The following CAMK1D variants were observed in gnomAD, a reference collection of about 807,000 sequenced individuals.
CAMK1D encodes the protein calcium/calmodulin-dependent protein kinase type 1D.
CAMK1D carries 9 observed loss-of-function variants against 47.7 expected under a neutral mutation model. That is an observed-to-expected ratio of 0.19 (90% confidence interval 0.11 to 0.33). The LOEUF is 0.33. Ranked by LOEUF, CAMK1D falls within the 10% of genes least tolerant of loss-of-function variation. CAMK1D has a pLI of 1.00. For missense variants in CAMK1D, 291 were observed against 488.7 expected, an observed-to-expected ratio of 0.60 and a Z score of 3.81; for synonymous variants, 184 against 184.9, an observed-to-expected ratio of 0.99 and a Z score of 0.04.
intron 2 of CAMK1D, among the ~76,000 whole-genome samples, chr10:12,603,986 C>T (rs1339506008): frequency 2.0e-5 from 3 of 152,154 alleles, no homozygotes; most frequent in Non-Finnish European, 4.4e-5. Context: ...AAAATGCATG[C>T]CTGCTTCATA....
Position 12,416,792 on chromosome 10 carries a change from C to T in CAMK1D, c.92+66882C>T, listed in dbSNP as rs191301088. Among the ~76,000 whole-genome samples the T allele has an allele frequency of 1.5e-3, 234 of 152,318 alleles. 1 individual carries two copies. The highest frequency in any genetic ancestry group is 5.1e-3 in the African/African-American group (210 of 41,568). On this transcript the variant is annotated intron_variant, in intron 1 of 10. Transcript: ENST00000619168. ...CCGGTGGGTTCTGCCCTTTCCTTAT[C>T]AGTTCAGCTGAGCTTACTCCAGGGC...
At chr10:12,624,834 G>A (rs928676146) in intron 2 of CAMK1D, among the ~76,000 whole-genome samples, 3 of 152,010 alleles carry the variant, frequency 2.0e-5, no homozygotes, top group Non-Finnish European at 4.4e-5. Context: ...CTCCTTTTAC[G>A]GTTGTTGTGA....
chr10:12,526,117 T>G (rs1273316193), intron 1 of CAMK1D, among the ~76,000 whole-genome samples: 1 of 152,232 alleles, frequency 6.6e-6, no homozygotes, highest in African/African-American at 2.4e-5. Flanking sequence ...TAAAATCTGC[T>G]GGAAAAGGTT....
chr10:12,751,009 C>T (rs940910651), intron 3 of CAMK1D, among the ~76,000 whole-genome samples: 2 of 151,952 alleles, frequency 1.3e-5, no homozygotes, highest in Non-Finnish European at 2.9e-5. Flanking sequence ...TGAGAGATCA[C>T]GCCACTGCAT....
chr10:12,431,650 C>G (rs2131991183), intron 1 of CAMK1D, among the ~76,000 whole-genome samples: 1 of 152,308 alleles, frequency 6.6e-6, no homozygotes, highest in South Asian at 2.1e-4. Context: ...TCTGTTACTC[C>G]AGGGCCAGAG....
intron 3 of CAMK1D, among the ~76,000 whole-genome samples, chr10:12,748,690 A>G (rs1564533705): frequency 6.6e-6 from 1 of 152,206 alleles, no homozygotes. Context: ...GACAGTGACC[A>G]TAGCAGGGAG....
intron 1 of CAMK1D, among the ~76,000 whole-genome samples, chr10:12,381,201 A>G (rs184529584): frequency 6.6e-6 from 1 of 152,336 alleles, no homozygotes; most frequent in East Asian, 1.9e-4. Flanking sequence ...CCCGCCCCTT[A>G]TAAAGTTGTA....
intron 2 of CAMK1D, among the ~76,000 whole-genome samples, chr10:12,563,885 C>A (rs1293850444): frequency 6.6e-6 from 1 of 152,140 alleles, no homozygotes; most frequent in African/African-American, 2.4e-5. Flanking sequence ...TGTTTATTTC[C>A]TTGTGCCATC....
intron 3 of CAMK1D, among the ~76,000 whole-genome samples, chr10:12,757,851 T>C (rs1455334042): frequency 2.5e-5 from 3 of 122,064 alleles, no homozygotes. Context: ...GGGGCCCTGC[T>C]CTTTTTTTTT....
intron 1 of CAMK1D, among the ~76,000 whole-genome samples, chr10:12,409,974 C>T (rs1233339237): frequency 6.6e-6 from 1 of 152,186 alleles, no homozygotes; most frequent in African/African-American, 2.4e-5. Context: ...TGTGCCCGAC[C>T]TCTTTCACTG....
intron 3 of CAMK1D, among the ~76,000 whole-genome samples, chr10:12,745,312 G>A (rs993215095): frequency 4.6e-5 from 7 of 152,304 alleles, no homozygotes; most frequent in African/African-American, 1.7e-4. Context: ...TTACAGGTGT[G>A]AGCCACCGTG....
chr10:12,571,226 C>A (rs1390562905), intron 2 of CAMK1D, among the ~76,000 whole-genome samples: 1 of 151,864 alleles, frequency 6.6e-6, no homozygotes, highest in Non-Finnish European at 1.5e-5. Flanking sequence ...GTGGGCAGAT[C>A]ACGAGGTTAG....
chr10:12,753,521 A>C (rs1036937111), intron 3 of CAMK1D, among the ~76,000 whole-genome samples: 3 of 152,344 alleles, frequency 2.0e-5, no homozygotes, highest in African/African-American at 7.2e-5. Context: ...TGCAGAAGTC[A>C]CAATTCTCAG....
intron 3 of CAMK1D, among the ~76,000 whole-genome samples, chr10:12,686,559 A>G (rs571200854): frequency 3.9e-4 from 60 of 152,210 alleles, no homozygotes; most frequent in Admixed American, 6.5e-4. Flanking sequence ...CCTGACCTCA[A>G]ATGATCCACC....
intron 1 of CAMK1D, among the ~76,000 whole-genome samples, chr10:12,424,927 G>T (rs1462709233): frequency 6.6e-6 from 1 of 152,230 alleles, no homozygotes; most frequent in Non-Finnish European, 1.5e-5. Context: ...GTCTGAGACA[G>T]CCCTGGTATA....
chr10:12,533,830 A>T (rs1835882967), intron 1 of CAMK1D, among the ~76,000 whole-genome samples: 1 of 152,170 alleles, frequency 6.6e-6, no homozygotes, highest in Non-Finnish European at 1.5e-5. Context: ...CTCTGTAAAG[A>T]TACAAGAAAC....
chr10:12,456,891 C>T (rs1833264846), intron 1 of CAMK1D, among the ~76,000 whole-genome samples: 2 of 151,906 alleles, frequency 1.3e-5, no homozygotes, highest in African/African-American at 4.8e-5. Flanking sequence ...CCCTTTGACC[C>T]AGCAGTCCTG....
chr10:12,506,076 A>T (rs1378457486), intron 1 of CAMK1D, among the ~76,000 whole-genome samples: 1 of 152,092 alleles, frequency 6.6e-6, no homozygotes, highest in East Asian at 1.9e-4. Context: ...GTAATGGTGT[A>T]TGATGCCTGT....
At chr10:12,691,346 T>G (rs1199722579) in intron 3 of CAMK1D, among the ~76,000 whole-genome samples, 2 of 119,788 alleles carry the variant, frequency 1.7e-5, no homozygotes, top group Non-Finnish European at 3.4e-5. Context: ...GGGCTGAAGT[T>G]TTCTATATAT....
Sources: allele counts gnomAD v4.1 joint callset (sites outside exome capture counted in the v4.1 genomes callset), GRCh38; gene constraint gnomAD v4.1.1; transcripts MANE v1.5; gene names NCBI Gene and HGNC (gene_info 2026-07-23, HGNC 2026-07-21).